Variants in PHACTR1 observed in about 807,000 individuals in gnomAD.
PHACTR1 encodes RPEL repeat containing 1.
A neutral mutation model predicts 69.2 loss-of-function variants in PHACTR1; 16 were observed. That is an observed-to-expected ratio of 0.23 (90% confidence interval 0.16 to 0.35). The LOEUF is 0.35. Among genes scored for constraint, PHACTR1 ranks in the 10% least tolerant of loss-of-function variants. The pLI, the probability that PHACTR1 is intolerant of heterozygous loss-of-function variation, is 1.00. For missense variants in PHACTR1, 510 were observed against 734.7 expected (o/e 0.69, Z 3.54); for synonymous variants, 312 against 284.5 (o/e 1.10, Z -0.97).
chr6:13,158,937 T>C (rs1758577104), intron 5 of PHACTR1, among the ~76,000 whole-genome samples: 1 of 152,276 alleles, frequency 6.6e-6, no homozygotes, highest in African/African-American at 2.4e-5. Context: ...CTGATGATTT[T>C]CCCCTGAATA....
At chr6:13,113,082 A>T (rs898700994) in intron 5 of PHACTR1, among the ~76,000 whole-genome samples, 9 of 152,080 alleles carry the variant, frequency 5.9e-5, no homozygotes, top group Admixed American at 2.6e-4. Flanking sequence ...AATTTCAGTC[A>T]TCTGCATATG....
rs149874856 is a variant in PHACTR1, at chr6:13,011,854, C to A, written c.251-41511C>A. On this transcript the variant is annotated intron_variant, in intron 4 of 14. Coordinates refer to ENST00000332995, the MANE Select transcript of PHACTR1 (RefSeq NM_030948.6). ...CAAAAGAGAATAACAAATGTTTGCTCAGAACACAATGCAGTAAATTCCCTG... is the reference window on the plus strand; with the variant it reads ...CAAAAGAGAATAACAAATGTTTGCTAAGAACACAATGCAGTAAATTCCCTG... Among the ~76,000 whole-genome samples the A allele has an allele frequency of 1.8e-3, 277 of 152,308 alleles. 2 individuals are homozygous for A. The highest frequency in any genetic ancestry group is 3.4e-3 in the Middle Eastern group (1 of 294).
intron 4 of PHACTR1, among the ~76,000 whole-genome samples, chr6:12,861,205 G>A (rs2127425177): frequency 6.6e-6 from 1 of 152,300 alleles, no homozygotes; most frequent in South Asian, 2.1e-4. Flanking sequence ...GCAGGGACTT[G>A]CCTGTTAGGC....
chr6:12,832,959 A>G (rs1309816529), intron 4 of PHACTR1, among the ~76,000 whole-genome samples: 1 of 152,182 alleles, frequency 6.6e-6, no homozygotes, highest in Non-Finnish European at 1.5e-5. Flanking sequence ...ATCAACTGTA[A>G]TGTGATCAAA....
intron 10 of PHACTR1, among the ~76,000 whole-genome samples, chr6:13,240,287 C>G (rs1772637195): frequency 1.3e-5 from 2 of 152,114 alleles, no homozygotes; most frequent in African/African-American, 2.4e-5. Flanking sequence ...GCTTCAAAGA[C>G]TGGGCTGTTT....
intron 7 of PHACTR1, among the ~76,000 whole-genome samples, chr6:13,193,620 TCAAA>T (rs1763935871): frequency 1.3e-5 from 2 of 151,848 alleles, no homozygotes; most frequent in Non-Finnish European, 2.9e-5. Flanking sequence ...ACTCCTGGGC[TCAAA>T]CAGTCCTCCT....
chr6:13,263,766 CAAAGG>C (rs1481064456), intron 10 of PHACTR1, among the ~76,000 whole-genome samples: 1 of 152,154 alleles, frequency 6.6e-6, no homozygotes, highest in African/African-American at 2.4e-5. Flanking sequence ...AAGGTGGGAG[CAAAGG>C]AGATACAGTA....
chr6:13,081,185 A>T (rs1811317144), intron 5 of PHACTR1, among the ~76,000 whole-genome samples: 2 of 152,194 alleles, frequency 1.3e-5, no homozygotes, highest in South Asian at 4.1e-4. Flanking sequence ...GGGCTCTGCC[A>T]GTATTTGAAG....
At chr6:13,135,853 C>T (rs1055888278) in intron 5 of PHACTR1, among the ~76,000 whole-genome samples, 8 of 151,008 alleles carry the variant, frequency 5.3e-5, no homozygotes, top group African/African-American at 2.0e-4. Flanking sequence ...CTCTAGAGAC[C>T]CATCTCTAGG....
intron 6 of PHACTR1, among the ~76,000 whole-genome samples, chr6:13,173,556 G>A (rs1760897533): frequency 6.6e-6 from 1 of 152,166 alleles, no homozygotes; most frequent in Admixed American, 6.5e-5. Context: ...GAAATCCTTA[G>A]ATAAATTATT....
intron 5 of PHACTR1, among the ~76,000 whole-genome samples, chr6:13,090,256 A>G (rs781236657): frequency 3.4e-5 from 5 of 149,026 alleles, no homozygotes; most frequent in Admixed American, 6.7e-5. Context: ...GGGTTTCACC[A>G]TGTTGTCTCG....
At chr6:12,734,173 A>G (rs1763936456) in intron 3 of PHACTR1, among the ~76,000 whole-genome samples, 1 of 152,168 alleles carries the variant, frequency 6.6e-6, no homozygotes, top group Non-Finnish European at 1.5e-5. Flanking sequence ...TGCATTTATT[A>G]CATAATGTTT....
chr6:13,251,480 G>A (rs1584234363), intron 10 of PHACTR1, among the ~76,000 whole-genome samples: 1 of 152,210 alleles, frequency 6.6e-6, no homozygotes, highest in Admixed American at 6.5e-5. Flanking sequence ...TGTGCTGGGG[G>A]CGCTGTGGTC....
intron 5 of PHACTR1, among the ~76,000 whole-genome samples, chr6:13,092,030 C>G (rs756486559): frequency 6.6e-6 from 1 of 152,144 alleles, no homozygotes; most frequent in African/African-American, 2.4e-5. Flanking sequence ...GATCTCCTGA[C>G]CTCATGATCC....
chr6:12,983,953 A>T (rs530442452), intron 4 of PHACTR1, among the ~76,000 whole-genome samples: 2 of 152,304 alleles, frequency 1.3e-5, no homozygotes, highest in African/African-American at 4.8e-5. Flanking sequence ...TCATTGATGG[A>T]CATTTGAGTT....
At chr6:12,738,696 C>G (rs1342809838) in intron 3 of PHACTR1, among the ~76,000 whole-genome samples, 2 of 152,102 alleles carry the variant, frequency 1.3e-5, no homozygotes, top group Non-Finnish European at 2.9e-5. Flanking sequence ...AACCCTGTCT[C>G]TACCAAAAAT....
rs1562051791 is a variant in PHACTR1 at position 13,239,936 on chromosome 6, TGCCC to T, written c.1391+9744_1391+9747del. 2.6e-5 allele frequency among the ~76,000 whole-genome samples: 4 copies of T among 152,304 alleles called. No homozygotes were observed. In the South Asian group the frequency reaches 8.3e-4, roughly 32 times the overall value. On this transcript the variant is annotated intron_variant, in intron 10 of 14. Transcript: ENST00000332995. ...GTTCTCTGCATCTGTGACTTGCGGC[TGCCC>T]CGGCAGTCTGTACATTTTTCAGTGA...
intron 4 of PHACTR1, among the ~76,000 whole-genome samples, chr6:12,981,730 A>G (rs181786743): frequency 4.6e-5 from 7 of 152,356 alleles, no homozygotes; most frequent in African/African-American, 4.8e-5. Flanking sequence ...TCTCTGAACT[A>G]CAAGGAAGAA....
At chr6:12,988,853 G>C (rs994413601) in intron 4 of PHACTR1, among the ~76,000 whole-genome samples, 1 of 152,346 alleles carries the variant, frequency 6.6e-6, no homozygotes, top group Non-Finnish European at 1.5e-5. Context: ...TCTCACAGGA[G>C]TTTTGAGAGG....
Sources: gnomAD v4.1 joint callset for allele counts (sites outside exome capture counted in the v4.1 genomes callset) on GRCh38, gnomAD v4.1.1 for gene constraint, MANE v1.5 for transcripts, NCBI Gene and HGNC (gene_info 2026-07-23, HGNC 2026-07-21) for gene names.